The following TGFBR1 variants were observed in gnomAD, a reference collection of about 807,000 sequenced individuals.
TGFBR1 encodes TGF-beta receptor type-1.
TGFBR1 carries 20 observed loss-of-function variants against 55.1 expected under a neutral mutation model. That is an observed-to-expected ratio of 0.36 (90% CI 0.26 to 0.53). TGFBR1 has a LOEUF of 0.53. Ranked by LOEUF, TGFBR1 falls within the 20% of genes least tolerant of loss-of-function variation. The probability of loss-of-function intolerance (pLI) is 0.91; values close to 1 mark genes in which losing one functional copy is unlikely to be tolerated. For missense variants in TGFBR1, 385 were observed against 617.6 expected, an observed-to-expected ratio of 0.62 and a Z score of 3.99; for synonymous variants, 220 against 214.8, an observed-to-expected ratio of 1.02 and a Z score of -0.21.
At position 99,149,420 on chromosome 9, in the gene TGFBR1, T is replaced by A. The variant is rs899376635; in HGVS notation, c.*115T>A. 2.1e-6 allele frequency: 3 copies of A among 1,454,782 alleles called. No homozygotes were observed. In the African/African-American group the frequency reaches 4.2e-5, roughly 20 times the overall value. 90.1% of individuals were successfully genotyped at this position (1,454,782 alleles called of 1,614,324 possible). ...GGAACAGAAGGATATTGCTTCCTTT[T>A]GCAGCAGTGTAATAAAGTCAATTAA... On this transcript the variant is annotated 3_prime_UTR_variant, in exon 9 of 9. Transcript: ENST00000374994.
At chr9:99,142,455 G>C (rs910368966) in intron 4 of TGFBR1, 81 bp from the exon 5 acceptor site, 14 of 1,484,472 alleles carry the variant, frequency 9.4e-6, no homozygotes, top group Non-Finnish European at 1.2e-5. Flanking sequence ...ACTCAGGATT[G>C]AGAGTAAAAA....
chr9:99,126,553 A>G (rs1273629929), intron 1 of TGFBR1, among the ~76,000 whole-genome samples: 2 of 152,226 alleles, frequency 1.3e-5, no homozygotes, highest in Non-Finnish European at 2.9e-5. Context: ...AATTATGACA[A>G]TGTCCTTCGG....
In TGFBR1 at chr9:99,142,851, G is replaced by A. The variant is rs1363483198; in HGVS notation, c.973+148G>A. On this transcript the variant is annotated intron_variant, in intron 5 of 8. Transcript: ENST00000374994. ...AGGTGGGCAGATCGCCCGATCTCAG[G>A]AGTTCATGGCCAGCCTGGGCAACAT... The A allele has an allele frequency of 3.5e-6, 3 of 850,620 alleles. No homozygotes were observed. The South Asian group carries it at 4.4e-5, about 12-fold the overall frequency. The allele number at this position is 850,620 out of a possible 1,614,324, so 52.7% of individuals were successfully genotyped here.
upstream of TGFBR1, chr9:99,105,049 A>C: frequency 7.3e-6 from 3 of 412,130 alleles, no homozygotes; most frequent in South Asian, 1.0e-4. Context: ...GGCCGGCGGG[A>C]GCCCGGCAGC....
chr9:99,107,270 A>G (rs1670996620), intron 1 of TGFBR1, among the ~76,000 whole-genome samples: 1 of 152,138 alleles, frequency 6.6e-6, no homozygotes, highest in African/African-American at 2.4e-5. Context: ...AAAAAGGTCA[A>G]ATGCTTTTTA....
chr9:99,118,740 G>T (rs1320575890), intron 1 of TGFBR1, among the ~76,000 whole-genome samples: 1 of 150,708 alleles, frequency 6.6e-6, no homozygotes, highest in Non-Finnish European at 1.5e-5. Flanking sequence ...CAAACTCCTG[G>T]GGCTCAAGTG....
chr9:99,129,716 A>G (rs1163535028), intron 2 of TGFBR1, among the ~76,000 whole-genome samples: 1 of 152,138 alleles, frequency 6.6e-6, no homozygotes, highest in African/African-American at 2.4e-5. Flanking sequence ...CCTGGCCAAC[A>G]TGGCAAAACC....
intron 1 of TGFBR1, among the ~76,000 whole-genome samples, chr9:99,110,921 A>T (rs766273507): frequency 1.3e-5 from 2 of 152,232 alleles, no homozygotes; most frequent in African/African-American, 2.4e-5. Flanking sequence ...GGGGTCACGT[A>T]CGTCCATGCT....
intron 6 of TGFBR1, among the ~76,000 whole-genome samples, chr9:99,146,201 A>G (rs1827790945): frequency 6.6e-6 from 1 of 152,190 alleles, no homozygotes; most frequent in Admixed American, 6.5e-5. Context: ...GGTGGTGTAC[A>G]TTAGGACACC....
chr9:99,132,386 C>A, intron 2 of TGFBR1, 123 bp from the exon 3 acceptor site: 1 of 1,510,070 alleles, frequency 6.6e-7, no homozygotes, highest in Non-Finnish European at 8.9e-7. Flanking sequence ...TGTAATGAGG[C>A]TCTTTGGCTA....
chr9:99,105,370 C>A, intron 1 of TGFBR1, 68 bp downstream of exon 1: 7 of 975,780 alleles, frequency 7.2e-6, no homozygotes, highest in Non-Finnish European at 8.5e-6. Context: ...TGGCTCGCTC[C>A]TGCTCTTTCT....
intron 4 of TGFBR1, among the ~76,000 whole-genome samples, chr9:99,141,423 T>C (rs1827613499): frequency 6.6e-6 from 1 of 152,216 alleles, no homozygotes; most frequent in South Asian, 2.1e-4. Flanking sequence ...ATAGAAGCTG[T>C]TTCATGTCAA....
At chr9:99,107,516 A>G (rs1244149876) in intron 1 of TGFBR1, among the ~76,000 whole-genome samples, 4 of 151,932 alleles carry the variant, frequency 2.6e-5, no homozygotes, top group South Asian at 2.1e-4. Flanking sequence ...CGTGCCCCCA[A>G]TCCAACTCTT....
intron 6 of TGFBR1, 68 bp downstream of exon 6, chr9:99,144,956 A>G (rs1827745913): frequency 1.3e-6 from 2 of 1,544,932 alleles, no homozygotes; most frequent in African/African-American, 1.4e-5. Context: ...TTTCATATAT[A>G]CATATCATTG....
rs1222190127 is a variant in TGFBR1 at position 99,144,901 on chromosome 9, A to G, written c.1130+13A>G. The G allele has an allele frequency of 6.2e-7, 1 of 1,613,060 alleles. No individual in the cohort carries two copies. The highest frequency in any genetic ancestry group is 1.1e-5 in the South Asian group (1 of 91,070). On this transcript the variant is annotated intron_variant, in intron 6 of 8. Coordinates refer to ENST00000374994, the MANE Select transcript of TGFBR1 (RefSeq NM_004612.4). Reference sequence around the variant, plus strand: ...TGGGAACAAAAAGGTATACTTTTGAACAACTATATTTAATATCTTCTGAAA... The same window carrying G: ...TGGGAACAAAAAGGTATACTTTTGAGCAACTATATTTAATATCTTCTGAAA...
chr9:99,134,952 G>T (rs968546154), intron 3 of TGFBR1, among the ~76,000 whole-genome samples: 9 of 150,134 alleles, frequency 6.0e-5, no homozygotes, highest in Admixed American at 1.3e-4. Context: ...TTGCTTGCTA[G>T]CTCTGTGGCT....
At chr9:99,129,154 CTG>C (rs1179285531) in intron 2 of TGFBR1, 54 bp downstream of exon 2, 24 of 1,587,506 alleles carry the variant, frequency 1.5e-5, no homozygotes, top group Admixed American at 3.4e-5. Context: ...TCTTCATACT[CTG>C]TGATTTTAGA....
At position 99,150,992 on chromosome 9, in the gene TGFBR1, A is replaced by G. The variant is rs886063233; in HGVS notation, c.*1687A>G. 4.4e-6 allele frequency: 1 copy of G among 227,142 alleles called. No homozygotes were observed. 14.1% of individuals were successfully genotyped at this position (227,142 alleles called of 1,614,324 possible). ...GGCAAGACTTCGACTTTATAGTGCT[A>G]TCAGTTCCCCGATACAGGGTCAGAG... On this transcript the variant is annotated 3_prime_UTR_variant, in exon 9 of 9. Transcript: ENST00000374994.
In TGFBR1 at chr9:99,142,757, C is replaced by T. The variant is rs1588590687; in HGVS notation, c.973+54C>T. The T allele has an allele frequency of 6.3e-6, 10 of 1,591,278 alleles. No individual in the cohort carries two copies. The East Asian group carries it at 2.2e-4, about 36-fold the overall frequency. ...AGCTTTAAATTTTCATGAATAATGT[C>T]TATGAAAATAGAAGGTGGAGGCTGG... On this transcript the variant is annotated intron_variant, in intron 5 of 8. Coordinates refer to ENST00000374994, the MANE Select transcript of TGFBR1 (RefSeq NM_004612.4).
Sources: gnomAD v4.1 joint callset for allele counts (sites outside exome capture counted in the v4.1 genomes callset) on GRCh38, gnomAD v4.1.1 for gene constraint, MANE v1.5 for transcripts, NCBI Gene and HGNC (gene_info 2026-07-23, HGNC 2026-07-21) for gene names.